Variants in LPP observed in about 807,000 individuals in gnomAD.
LPP encodes the protein lipoma-preferred partner.
A neutral mutation model predicts 60.4 loss-of-function variants in LPP; 38 were observed. That is an observed-to-expected ratio of 0.63 (90% CI 0.49 to 0.83). The LOEUF is 0.83. LPP is among the 40% of genes least tolerant of loss of function. The pLI is 0.00. For synonymous variants in LPP, 328 were observed against 290.8 expected, an observed-to-expected ratio of 1.13 and a Z score of -1.30; for missense variants, 902 against 783.6, an observed-to-expected ratio of 1.15 and a Z score of -1.80.
rs1223437908 is a variant in LPP at position 188,419,767 on chromosome 3, G to C, written c.193+13454G>C. Among the ~76,000 whole-genome samples, 5 of 152,170 alleles carry C rather than the reference G, an allele frequency of 3.3e-5. No homozygotes were observed. In the East Asian group the frequency reaches 7.7e-4, roughly 23 times the overall value. ...TAGCCGGGCGTGGTGGCACACACCTGTAATCCCAGCTACTTGGGAGACTGA... is the reference window on the plus strand; with the variant it reads ...TAGCCGGGCGTGGTGGCACACACCTCTAATCCCAGCTACTTGGGAGACTGA... On this transcript the variant is annotated intron_variant, in intron 4 of 11. Transcript: ENST00000617246.
intron 9 of LPP, among the ~76,000 whole-genome samples, chr3:188,778,311 T>C (rs894120234): frequency 6.6e-6 from 1 of 152,202 alleles, no homozygotes; most frequent in African/African-American, 2.4e-5. Context: ...TGGTCATATA[T>C]TACAAATGGA....
chr3:188,251,277 A>G (rs867099063), intron 2 of LPP, among the ~76,000 whole-genome samples: 53 of 151,778 alleles, frequency 3.5e-4, no homozygotes, highest in African/African-American at 1.2e-3. Context: ...ACATGTCCCC[A>G]TCATCTTTGT....
Position 188,609,320 on chromosome 3 carries a change from G to T in LPP, c.589G>T (p.Gly197Ter). Residue 197 changes from glycine (G) to a stop codon, truncating the protein, a stop_gained, in exon 7 of 12, where the codon GGA (glycine) becomes TGA (stop). Transcript: ENST00000617246. LOFTEE classifies it high-confidence loss of function. This position sits in a 1 kb window ranked among gnomAD's most constrained non-coding sequence, Gnocchi z 6.9. Reference sequence around the variant, plus strand: ...TGGACCCATCCCTGTGGCTCCAATCGGAACACTCAAACCCCAGCCTCAGCC... The same window carrying T: ...TGGACCCATCCCTGTGGCTCCAATCTGAACACTCAAACCCCAGCCTCAGCC... Reference protein sequence around the residue: ...QAGPIPVAPIGTLKPQPQPVP... With the variant: ...QAGPIPVAPI 1.2e-6 allele frequency: 2 copies of T among 1,613,944 alleles called. No homozygotes were observed.
At chr3:188,318,753 C>CTTTTTTTTTTTTTTTTTTTTTTTTT (rs10708836) in intron 2 of LPP, among the ~76,000 whole-genome samples, 4 of 96,838 alleles carry the variant, frequency 4.1e-5, no homozygotes, top group African/African-American at 9.8e-5. Context: ...AATTATGATT[C>CTTTTTTTTTTTTTTTTTTTTTTTTT]TTTTTTTTTT....
chr3:188,383,066 G>A (rs1304099168), intron 3 of LPP, among the ~76,000 whole-genome samples: 1 of 152,200 alleles, frequency 6.6e-6, no homozygotes, highest in Non-Finnish European at 1.5e-5. Flanking sequence ...TATAAACAAT[G>A]CCTATTCAGT....
chr3:188,818,056 C>G (rs567265034), intron 9 of LPP, among the ~76,000 whole-genome samples: 1 of 152,150 alleles, frequency 6.6e-6, no homozygotes, highest in Non-Finnish European at 1.5e-5. Flanking sequence ...CTACAAGTTA[C>G]TAACTTCAGG....
chr3:188,330,098 G>A (rs562791700), intron 2 of LPP, among the ~76,000 whole-genome samples: 1 of 152,142 alleles, frequency 6.6e-6, no homozygotes, highest in African/African-American at 2.4e-5. Context: ...AATAAAACTT[G>A]CTCTTAACTT....
At chr3:188,796,457 C>T (rs537365765) in intron 9 of LPP, among the ~76,000 whole-genome samples, 30 of 152,216 alleles carry the variant, frequency 2.0e-4, no homozygotes, top group African/African-American at 6.5e-4. Flanking sequence ...ACAGGCTTTT[C>T]CTGAAAGGTC....
Position 188,884,654 on chromosome 3 carries a change from G to A in LPP, c.*10175G>A, listed in dbSNP as rs772224021. 4.4e-6 allele frequency: 1 copy of A among 229,620 alleles called. No individual in the cohort carries two copies. The allele number at this position is 229,620 out of a possible 1,614,324, so 14.2% of individuals were successfully genotyped here. On this transcript the variant is annotated 3_prime_UTR_variant, in exon 12 of 12. Transcript: ENST00000617246. The stretch of plus-strand genomic sequence containing the variant: ...CTGTCAGGTTCAGAATATCAACCAA[G>A]ACCATATCATTTAGAATTCATTGGC...
intron 3 of LPP, among the ~76,000 whole-genome samples, chr3:188,391,886 A>G (rs1433822086): frequency 6.6e-6 from 1 of 152,108 alleles, no homozygotes; most frequent in Non-Finnish European, 1.5e-5. Context: ...CTGTGTCACC[A>G]TTCTTCTAAC....
intron 8 of LPP, among the ~76,000 whole-genome samples, chr3:188,716,729 T>C (rs897706845): frequency 6.6e-6 from 1 of 152,198 alleles, no homozygotes; most frequent in African/African-American, 2.4e-5. Flanking sequence ...AAAGTCTTTG[T>C]AAAATTCTAG....
chr3:188,485,677 G>C (rs979078989), intron 5 of LPP, among the ~76,000 whole-genome samples: 10 of 150,002 alleles, frequency 6.7e-5, no homozygotes, highest in Admixed American at 6.0e-4. Flanking sequence ...GGCGCCTGTA[G>C]TCCCAGCTAC....
chr3:188,287,684 T>G (rs1328409105), intron 2 of LPP, among the ~76,000 whole-genome samples: 1 of 152,176 alleles, frequency 6.6e-6, no homozygotes, highest in African/African-American at 2.4e-5. Context: ...TATGTAGTAG[T>G]GATGGCCAAT....
intron 1 of LPP, among the ~76,000 whole-genome samples, chr3:188,200,709 T>G (rs1730851688): frequency 1.3e-5 from 2 of 152,120 alleles, no homozygotes; most frequent in Admixed American, 1.3e-4. Flanking sequence ...ATTTACTAGC[T>G]TTGAGGAAGT....
chr3:188,887,861 C>G lies in LPP; in HGVS notation c.*13382C>G. 1 of 212,140 alleles carries G rather than the reference C, an allele frequency of 4.7e-6. No homozygotes were observed. Among genetic ancestry groups the G allele is most frequent in the Non-Finnish European group, 9.5e-6 (1 of 104,772 alleles). 13.1% of individuals were successfully genotyped at this position (212,140 alleles called of 1,614,324 possible). ...CTACCCATTTCCTCTCTTGGGAAAG[C>G]TGATGAGCAAATTATCCAAGACTCA... On this transcript the variant is annotated 3_prime_UTR_variant, in exon 12 of 12. Transcript: ENST00000617246.
intron 9 of LPP, among the ~76,000 whole-genome samples, chr3:188,850,684 T>C (rs922787643): frequency 2.6e-5 from 4 of 151,996 alleles, no homozygotes; most frequent in Non-Finnish European, 4.4e-5. Context: ...AGATCAACAA[T>C]AATAATAATA....
In LPP at chr3:188,785,472, AT is replaced by A. The variant is rs1384866237; in HGVS notation, c.1410+25191del. Among the ~76,000 whole-genome samples, 116 of 48,300 alleles carry A rather than the reference AT, an allele frequency of 2.4e-3. 25 individuals carry two copies. The highest frequency in any genetic ancestry group is 9.9e-3 in the African/African-American group (105 of 10,634). The allele number at this position is 48,300 out of a possible 152,430, so 31.7% of individuals were successfully genotyped here. On this transcript the variant is annotated intron_variant, in intron 9 of 11. Transcript: ENST00000617246. The stretch of plus-strand genomic sequence containing the variant: ...ATATTCCATCATATATATATATTCC[AT>A]CATATATATATATTCATCATATATA...
At chr3:188,165,739 C>T (rs16863059) in intron 1 of LPP, among the ~76,000 whole-genome samples, 6,877 of 152,132 alleles carry the variant, frequency 0.045, 238 homozygotes, top group African/African-American at 0.097. Flanking sequence ...AAAGCAAAAC[C>T]GAATTAGGGT....
At chr3:188,825,224 G>A (rs1292540449) in intron 9 of LPP, among the ~76,000 whole-genome samples, 2 of 145,098 alleles carry the variant, frequency 1.4e-5, no homozygotes, top group Non-Finnish European at 3.0e-5. Flanking sequence ...TCTTTGTATA[G>A]GTGCAGTAGT....
Sources: allele counts gnomAD v4.1 joint callset (sites outside exome capture counted in the v4.1 genomes callset), GRCh38; gene constraint gnomAD v4.1.1; non-coding constraint Gnocchi (gnomAD v3.1); transcripts MANE v1.5; gene names NCBI Gene and HGNC (gene_info 2026-07-23, HGNC 2026-07-21).